RABGAP1L: variants seen among roughly 807,000 people sequenced by gnomAD.
RABGAP1L encodes rab GTPase-activating protein 1-like.
RABGAP1L carries 63 observed loss-of-function variants against 137.7 expected under a neutral mutation model. The ratio of observed to expected loss-of-function variants is 0.46; its 90% CI spans 0.37 to 0.56. The LOEUF is 0.56. Among genes scored for constraint, RABGAP1L ranks in the 20% least tolerant of loss-of-function variants. The probability of loss-of-function intolerance (pLI) is 0.00; values close to 1 mark genes in which losing one functional copy is unlikely to be tolerated. For missense variants in RABGAP1L, 1,095 were observed against 1,244.0 expected, an observed-to-expected ratio of 0.88 and a Z score of 1.80; for synonymous variants, 431 against 433.7, an observed-to-expected ratio of 0.99 and a Z score of 0.08.
Position 174,343,587 on chromosome 1 carries a change from G to C in RABGAP1L, c.1466-27392G>C, listed in dbSNP as rs190848062. ...ATTTGATTTTTTAGGTAGCCTATAT[G>C]CTGTAAAACCTCATTAAGAACTGCT... On this transcript the variant is annotated intron_variant, in intron 11 of 25. Transcript: ENST00000681986. 2.7e-3 allele frequency among the ~76,000 whole-genome samples: 414 copies of C among 152,204 alleles called. 1 individual carries two copies. The highest frequency in any genetic ancestry group is 4.5e-3 in the Non-Finnish European group (308 of 68,014).
At chr1:174,183,762 C>A (rs1372228661) in intron 1 of RABGAP1L, among the ~76,000 whole-genome samples, 1 of 152,116 alleles carries the variant, frequency 6.6e-6, no homozygotes, top group Non-Finnish European at 1.5e-5. Flanking sequence ...CTGTCTTCAG[C>A]CTATTCCTCC....
intron 19 of RABGAP1L, among the ~76,000 whole-genome samples, chr1:174,887,679 G>T (rs186686231): frequency 2.6e-5 from 4 of 152,122 alleles, no homozygotes; most frequent in Non-Finnish European, 4.4e-5. Context: ...AGAAAAAAAT[G>T]TTTTTAAATG....
chr1:174,449,337 CTTT>C, intron 13 of RABGAP1L: 1 of 675,772 alleles, frequency 1.5e-6, no homozygotes, highest in Non-Finnish European at 2.4e-6. Flanking sequence ...AGGTTTCTCT[CTTT>C]TTTTTTCTTT....
chr1:174,313,977 T>A (rs1015215173), intron 11 of RABGAP1L, among the ~76,000 whole-genome samples: 11 of 152,180 alleles, frequency 7.2e-5, no homozygotes, highest in African/African-American at 2.7e-4. Flanking sequence ...TTTTTTTTGA[T>A]ATGCGTTTGT....
intron 13 of RABGAP1L, among the ~76,000 whole-genome samples, chr1:174,421,534 C>G (rs529617699): frequency 6.6e-6 from 1 of 152,276 alleles, no homozygotes; most frequent in African/African-American, 2.4e-5. Flanking sequence ...TCTCTTGAGC[C>G]TGAAATAATT....
intron 7 of RABGAP1L, among the ~76,000 whole-genome samples, chr1:174,256,971 G>A (rs1454962976): frequency 1.3e-5 from 2 of 152,090 alleles, no homozygotes; most frequent in Non-Finnish European, 2.9e-5. Flanking sequence ...GCATTCTGAT[G>A]TAAACCAGAG....
chr1:174,942,584 T>A (rs1666074779), intron 19 of RABGAP1L, among the ~76,000 whole-genome samples: 5 of 152,360 alleles, frequency 3.3e-5, no homozygotes, highest in Middle Eastern at 3.4e-3. Context: ...TGTGCCTTTG[T>A]TCTTCTTCTG....
chr1:174,196,227 C>CTTTTTTTT (rs758258710), intron 1 of RABGAP1L, among the ~76,000 whole-genome samples: 2 of 141,064 alleles, frequency 1.4e-5, no homozygotes. Flanking sequence ...TTCTTTCTTT[C>CTTTTTTTT]TTTTTTTTTT....
At chr1:174,851,325 C>T (rs966184457) in intron 19 of RABGAP1L, among the ~76,000 whole-genome samples, 2 of 152,142 alleles carry the variant, frequency 1.3e-5, no homozygotes, top group African/African-American at 2.4e-5. Context: ...GCTGCAGAGC[C>T]GGTGGAACAG....
At chr1:174,475,885 T>C (rs1356652230) in intron 13 of RABGAP1L, among the ~76,000 whole-genome samples, 1 of 151,702 alleles carries the variant, frequency 6.6e-6, no homozygotes, top group African/African-American at 2.4e-5. Flanking sequence ...CAATGTTAGA[T>C]GAACATTATA....
intron 1 of RABGAP1L, among the ~76,000 whole-genome samples, chr1:174,170,546 G>A (rs1172189973): frequency 6.6e-6 from 1 of 151,894 alleles, no homozygotes; most frequent in Non-Finnish European, 1.5e-5. Flanking sequence ...GTGGTGGCAT[G>A]TGCCTGTAAT....
At chr1:174,539,556 C>T (rs1003730579) in intron 13 of RABGAP1L, among the ~76,000 whole-genome samples, 4 of 152,078 alleles carry the variant, frequency 2.6e-5, no homozygotes, top group Non-Finnish European at 4.4e-5. Context: ...GGTTTAAAAT[C>T]CTTGTGATAG....
At chr1:174,442,511 A>C (rs1654274653) in intron 13 of RABGAP1L, among the ~76,000 whole-genome samples, 1 of 152,168 alleles carries the variant, frequency 6.6e-6, no homozygotes, top group African/African-American at 2.4e-5. Flanking sequence ...AAGGAAGTTC[A>C]ACATGGAGGA....
intron 14 of RABGAP1L, among the ~76,000 whole-genome samples, chr1:174,655,520 A>AT (rs993094600): frequency 1.6e-4 from 24 of 152,180 alleles, no homozygotes; most frequent in African/African-American, 5.1e-4. Flanking sequence ...ATGCAGTTTC[A>AT]TTTTTTCCCA....
At chr1:174,658,820 C>T (rs193040479) in intron 14 of RABGAP1L, among the ~76,000 whole-genome samples, 18 of 152,248 alleles carry the variant, frequency 1.2e-4, no homozygotes, top group Admixed American at 5.9e-4. Flanking sequence ...TTACCCTTTC[C>T]GTTCTTCATG....
intron 11 of RABGAP1L, among the ~76,000 whole-genome samples, chr1:174,310,628 C>G (rs1678740848): frequency 1.3e-5 from 2 of 152,114 alleles, no homozygotes; most frequent in Non-Finnish European, 2.9e-5. Flanking sequence ...ATGTTGAGTG[C>G]ATATATTTAC....
intron 19 of RABGAP1L, among the ~76,000 whole-genome samples, chr1:174,879,367 G>A (rs1653766531): frequency 6.6e-6 from 1 of 151,954 alleles, no homozygotes; most frequent in Non-Finnish European, 1.5e-5. Flanking sequence ...CAAAGTGCTG[G>A]GATTACAGGC....
At chr1:174,899,599 A>C (rs911667796) in intron 19 of RABGAP1L, among the ~76,000 whole-genome samples, 11 of 152,312 alleles carry the variant, frequency 7.2e-5, no homozygotes, top group Non-Finnish European at 1.3e-4. Context: ...GATCATGTCT[A>C]GAAAGAAGTA....
chr1:174,260,285 T>C (rs1217669358), intron 7 of RABGAP1L, among the ~76,000 whole-genome samples: 1 of 152,188 alleles, frequency 6.6e-6, no homozygotes, highest in South Asian at 2.1e-4. Context: ...TAATTCTTGA[T>C]TATATACTAG....
Sources: gnomAD v4.1 joint callset for allele counts (sites outside exome capture counted in the v4.1 genomes callset) on GRCh38, gnomAD v4.1.1 for gene constraint, MANE v1.5 for transcripts, NCBI Gene and HGNC (gene_info 2026-07-23, HGNC 2026-07-21) for gene names.